SYNPR: variants seen among roughly 807,000 people sequenced by gnomAD.
SYNPR encodes synaptoporin.
SYNPR carries 23 observed loss-of-function variants against 32.9 expected under a neutral mutation model. That is an observed-to-expected ratio of 0.70 (90% CI 0.50 to 0.99). SYNPR has a LOEUF of 0.99. SYNPR is among the 50% of genes least tolerant of loss of function. The pLI, the probability that SYNPR is intolerant of heterozygous loss-of-function variation, is 0.00. For missense variants in SYNPR, 318 were observed against 349.3 expected, an observed-to-expected ratio of 0.91 and a Z score of 0.71; for synonymous variants, 146 against 135.9, an observed-to-expected ratio of 1.07 and a Z score of -0.52.
At chr3:63,485,488 T>C (rs1701130049) in intron 3 of SYNPR, among the ~76,000 whole-genome samples, 1 of 151,922 alleles carries the variant, frequency 6.6e-6, no homozygotes, top group South Asian at 2.1e-4. Flanking sequence ...TAGTTAATGG[T>C]GGTTATTAAA....
chr3:63,441,586 T>C (rs562415879), intron 2 of SYNPR, among the ~76,000 whole-genome samples: 1 of 152,228 alleles, frequency 6.6e-6, no homozygotes. Context: ...TAAGGCTTTT[T>C]TTCCCTGCTT....
Position 63,346,631 on chromosome 3 carries a change from C to G in SYNPR, c.84+67889C>G, listed in dbSNP as rs183182001. On this transcript the variant is annotated intron_variant, in intron 2 of 5. Transcript: ENST00000478300. ...GGATTACAGGTGTCCACCACCATGCCCAGCTAATTTTTTGTATTTTTAGTA... is the reference window on the plus strand; with the variant it reads ...GGATTACAGGTGTCCACCACCATGCGCAGCTAATTTTTTGTATTTTTAGTA... Among the ~76,000 whole-genome samples, 18 of 152,096 alleles carry G rather than the reference C, an allele frequency of 1.2e-4. No homozygotes were observed. In the East Asian group the frequency reaches 3.5e-3, roughly 30 times the overall value.
At chr3:63,552,660 T>C (rs932186677) in intron 3 of SYNPR, among the ~76,000 whole-genome samples, 6 of 152,188 alleles carry the variant, frequency 3.9e-5, no homozygotes, top group Non-Finnish European at 7.3e-5. Context: ...ATTTTAAACA[T>C]AGTCCCTAGT....
intron 2 of SYNPR, among the ~76,000 whole-genome samples, chr3:63,452,425 G>A (rs139340089): frequency 9.9e-5 from 15 of 152,196 alleles, no homozygotes; most frequent in East Asian, 3.9e-4. Context: ...TTTAAGCCTC[G>A]CAACTATGCT....
At chr3:63,320,986 G>A (rs2087105851) in intron 2 of SYNPR, among the ~76,000 whole-genome samples, 1 of 151,990 alleles carries the variant, frequency 6.6e-6, no homozygotes, top group Admixed American at 6.6e-5. Flanking sequence ...AGCCTTAACA[G>A]TGCTAGAAAA....
chr3:63,421,872 C>G (rs1396486968), intron 2 of SYNPR, among the ~76,000 whole-genome samples: 2 of 152,204 alleles, frequency 1.3e-5, no homozygotes, highest in Non-Finnish European at 2.9e-5. Flanking sequence ...TTCTTCCAGG[C>G]TACCAGGACA....
At position 63,478,672 on chromosome 3, in the gene SYNPR, G is replaced by GT. The variant is rs151028341; in HGVS notation, c.85-2159dup. Among the ~76,000 whole-genome samples the GT allele has an allele frequency of 3.3e-3, 507 of 152,290 alleles. 2 individuals are homozygous for GT. The highest frequency in any genetic ancestry group is 0.011 in the African/African-American group (473 of 41,566). On this transcript the variant is annotated intron_variant, in intron 2 of 5. Transcript: ENST00000478300. The stretch of plus-strand genomic sequence containing the variant: ...AAATCTCTGCATGAATTGGAAGAGG[G>GT]TAGCATGTAAATACATATTCCGTCT...
chr3:63,439,117 A>C (rs928394406), intron 2 of SYNPR, among the ~76,000 whole-genome samples: 17 of 152,210 alleles, frequency 1.1e-4, no homozygotes, highest in Non-Finnish European at 2.2e-4. Context: ...AAGGGGAGAG[A>C]AGCTTTTCCA....
Position 63,283,810 on chromosome 3 carries a change from CTTTTTTTT to C in SYNPR, c.84+5086_84+5093del, listed in dbSNP as rs142282438. Among the ~76,000 whole-genome samples, 5 of 87,158 alleles carry C rather than the reference CTTTTTTTT, an allele frequency of 5.7e-5. No homozygotes were observed. In the East Asian group the frequency reaches 1.3e-3, roughly 23 times the overall value. The allele number at this position is 87,158 out of a possible 152,430, so 57.2% of individuals were successfully genotyped here. ...GTATAGTCCTTCCACAGATAATTAC[CTTTTTTTT>C]TTTTTTTTTTTTTTTTTGAGACGGA... is the stretch of plus-strand genomic sequence containing the variant. On this transcript the variant is annotated intron_variant, in intron 2 of 5. Transcript: ENST00000478300.
At chr3:63,461,540 T>G (rs1047991836) in intron 2 of SYNPR, among the ~76,000 whole-genome samples, 1 of 152,082 alleles carries the variant, frequency 6.6e-6, no homozygotes, top group African/African-American at 2.4e-5. Flanking sequence ...CTGTTAGGGA[T>G]TTGTATCCCA....
intron 3 of SYNPR, among the ~76,000 whole-genome samples, chr3:63,529,962 A>C (rs142302877): frequency 0.011 from 1,692 of 152,184 alleles, 24 homozygotes; most frequent in African/African-American, 0.039. Flanking sequence ...TGACTTCCCC[A>C]CTCTGGCATG....
intron 2 of SYNPR, among the ~76,000 whole-genome samples, chr3:63,478,111 G>T (rs1700971638): frequency 6.6e-6 from 1 of 152,134 alleles, no homozygotes; most frequent in Non-Finnish European, 1.5e-5. Flanking sequence ...GAGGTCAAGA[G>T]AAGTAAAAAG....
intron 3 of SYNPR, among the ~76,000 whole-genome samples, chr3:63,496,728 CA>C (rs1033109844): frequency 4.0e-5 from 6 of 151,614 alleles, no homozygotes; most frequent in African/African-American, 1.2e-4. Context: ...TATTCCTGGC[CA>C]AAAAAAATTT....
intron 2 of SYNPR, among the ~76,000 whole-genome samples, chr3:63,385,651 C>T (rs1389511898): frequency 2.0e-5 from 3 of 152,176 alleles, no homozygotes; most frequent in Admixed American, 6.5e-5. Flanking sequence ...AGCTGTTCTC[C>T]CTCCTAAAAC....
At chr3:63,575,195 G>A (rs1300058721) in intron 4 of SYNPR, among the ~76,000 whole-genome samples, 19 of 152,246 alleles carry the variant, frequency 1.2e-4, no homozygotes, top group East Asian at 5.8e-4. Context: ...TTGACATTGC[G>A]TGTTACACAG....
chr3:63,364,080 C>A (rs1041734756), intron 2 of SYNPR, among the ~76,000 whole-genome samples: 9 of 152,138 alleles, frequency 5.9e-5, no homozygotes, highest in Non-Finnish European at 1.0e-4. Context: ...TTACTATCTG[C>A]AAAATCTTTC....
rs137984718 is a variant in SYNPR at position 63,616,781 on chromosome 3, G to C, written c.*1300G>C. ...AAAGTTGTTATTGATGTATAAACTCGTTGCGTGATTAGTGATGTTGGAAGC... is the reference window on the plus strand; with the variant it reads ...AAAGTTGTTATTGATGTATAAACTCCTTGCGTGATTAGTGATGTTGGAAGC... On this transcript the variant is annotated 3_prime_UTR_variant, in exon 6 of 6. Transcript: ENST00000478300. The C allele has an allele frequency of 6.6e-6, 1 of 152,612 alleles. No homozygotes were observed. Among genetic ancestry groups the C allele is most frequent in the East Asian group, 1.9e-4 (1 of 5,204 alleles). The allele number at this position is 152,612 out of a possible 1,614,324, so 9.5% of individuals were successfully genotyped here. A position where few individuals can be genotyped will look rare whatever the true frequency, so the allele number is the denominator to read the frequency against.
intron 3 of SYNPR, among the ~76,000 whole-genome samples, chr3:63,528,577 T>C (rs1702057872): frequency 6.6e-6 from 1 of 152,194 alleles, no homozygotes; most frequent in Non-Finnish European, 1.5e-5. Flanking sequence ...AACGTGTTGT[T>C]TGAGTCAGGG....
At chr3:63,520,755 G>T (rs1256726607) in intron 3 of SYNPR, among the ~76,000 whole-genome samples, 1 of 152,072 alleles carries the variant, frequency 6.6e-6, no homozygotes, top group African/African-American at 2.4e-5. Flanking sequence ...CTAGTGAGAG[G>T]TGAGGCCAGA....
Sources: gnomAD v4.1 joint callset for allele counts (sites outside exome capture counted in the v4.1 genomes callset) on GRCh38, gnomAD v4.1.1 for gene constraint, MANE v1.5 for transcripts, NCBI Gene and HGNC (gene_info 2026-07-23, HGNC 2026-07-21) for gene names.